LY6H: variants seen among roughly 807,000 people sequenced by gnomAD.
LY6H encodes the protein lymphocyte antigen 6H.
LY6H carries 8 observed loss-of-function variants against 14.6 expected under a neutral mutation model. That is an observed-to-expected ratio of 0.55 (90% confidence interval 0.32 to 0.99). The LOEUF (loss-of-function observed/expected upper bound fraction) is 0.99. Among genes scored for constraint, LY6H ranks in the 50% least tolerant of loss-of-function variants. The probability of loss-of-function intolerance (pLI) is 0.04; values close to 1 mark genes in which losing one functional copy is unlikely to be tolerated. For synonymous variants in LY6H, 115 were observed against 97.2 expected, an observed-to-expected ratio of 1.18 and a Z score of -1.08; for missense variants, 196 against 219.6, an observed-to-expected ratio of 0.89 and a Z score of 0.68.
chr8:143,160,180 G>T lies in LY6H; in HGVS notation c.2+18C>A. ...TGGGGCGTGGAGCGCGGGCCTCGGG[G>T]TCGGGGGGCTCACTCACATCCCGGG... On this transcript the variant is annotated intron_variant, in intron 1 of 3. Coordinates refer to ENST00000342752, the MANE Select transcript of LY6H (RefSeq NM_001135655.2). The T allele has an allele frequency of 7.8e-7, 1 of 1,283,294 alleles. No individual in the cohort carries two copies. Among genetic ancestry groups the T allele is most frequent in the Non-Finnish European group, 9.9e-7 (1 of 1,014,770 alleles). 79.5% of individuals were successfully genotyped at this position (1,283,294 alleles called of 1,614,324 possible).
chr8:143,159,566 C>T lies in LY6H; in HGVS notation c.130+16G>A, dbSNP rs1207387599. 2.7e-6 allele frequency: 4 copies of T among 1,494,728 alleles called. No individual in the cohort carries two copies. The highest frequency in any genetic ancestry group is 2.2e-5 in the Admixed American group (1 of 46,132). The allele number at this position is 1,494,728 out of a possible 1,614,324, so 92.6% of individuals were successfully genotyped here. On this transcript the variant is annotated intron_variant, in intron 2 of 3. Coordinates refer to ENST00000342752, the MANE Select transcript of LY6H (RefSeq NM_001135655.2). ...TCTCCCAGGCACCTGACCCAGCCCG[C>T]GGGCCCCCTACTCACCGGGCGCCGA...
Position 143,159,694 on chromosome 8 carries a change from C to T in LY6H, c.18G>A (p.Arg6=). Residue 6 remains arginine, a synonymous_variant, in exon 2 of 4, where the codon AGG becomes AGA. Transcript: ENST00000342752. MLAPQ[R]TRAPSPRAAP... is the part of the protein sequence containing the mutation. The stretch of plus-strand genomic sequence containing the variant: ...CGGCGCGGGGGCTTGGGGCGCGGGT[C>T]CTCTGGGGCGCAAGCCTGGAGGGGA... 7.2e-7 allele frequency: 1 copy of T among 1,381,536 alleles called. No homozygotes were observed. Among genetic ancestry groups the T allele is most frequent in the South Asian group, 1.6e-5 (1 of 60,690 alleles). The allele number at this position is 1,381,536 out of a possible 1,614,324, so 85.6% of individuals were successfully genotyped here. A position where few individuals can be genotyped will look rare whatever the true frequency, so the allele number is the denominator to read the frequency against.
chr8:143,160,027 T>A, intron 1 of LY6H, 171 bp downstream of exon 1: 1 of 1,122,660 alleles, frequency 8.9e-7, no homozygotes, highest in Non-Finnish European at 1.1e-6. Context: ...CGGGAGCGGG[T>A]GGGACCTGCC....
At chr8:143,159,236 C>T (rs72689954) in intron 2 of LY6H, 51,220 of 554,570 alleles carry the variant, frequency 0.092, 3,181 homozygotes, top group Non-Finnish European at 0.12. Context: ...TCCCGCCCCG[C>T]CTCACATATC....
intron 2 of LY6H, chr8:143,159,289 T>C: frequency 3.8e-6 from 2 of 523,786 alleles, no homozygotes; most frequent in South Asian, 2.6e-5. Context: ...AGGACCAAAC[T>C]GGATTTGAAA....
chr8:143,158,555 A>G, intron 3 of LY6H, 70 bp from the exon 4 acceptor site: 1 of 1,411,726 alleles, frequency 7.1e-7, no homozygotes, highest in Non-Finnish European at 9.9e-7. Flanking sequence ...CCGAGGACCC[A>G]GCCCAGGCCC....
Position 143,158,930 on chromosome 8 carries a change from G to C in LY6H, c.131-8C>G. 2 of 1,613,434 alleles carry C rather than the reference G, an allele frequency of 1.2e-6. No homozygotes were observed. Among genetic ancestry groups the C allele is most frequent in the Non-Finnish European group, 1.7e-6 (2 of 1,179,878 alleles). On this transcript the variant is annotated splice_polypyrimidine_tract_variant and splice_region_variant and intron_variant, in intron 2 of 3. Coordinates refer to ENST00000342752, the MANE Select transcript of LY6H (RefSeq NM_001135655.2). ...GGCACCACAGGCCATGAGCTGGGCA[G>C]GGCATGGGGAGGAGGGTGACCAGAG...
chr8:143,160,052 C>A, intron 1 of LY6H, 146 bp downstream of exon 1: 3 of 939,530 alleles, frequency 3.2e-6, no homozygotes, highest in Non-Finnish European at 4.2e-6. Context: ...GGGGGAGGGG[C>A]GCGTGCCAGG....
chr8:143,159,853 C>G, intron 1 of LY6H, 144 bp from the exon 2 acceptor site: 1 of 1,145,438 alleles, frequency 8.7e-7, no homozygotes, highest in Middle Eastern at 3.2e-4. Flanking sequence ...CCAGAGCGTC[C>G]GCCGTCACAG....
intron 3 of LY6H, 130 bp downstream of exon 3, chr8:143,158,673 G>T: frequency 7.6e-7 from 1 of 1,318,592 alleles, no homozygotes; most frequent in Non-Finnish European, 1.0e-6. Context: ...GGGGACAGCA[G>T]GACAGTATCC....
chr8:143,159,943 G>A, intron 1 of LY6H: 1 of 1,242,394 alleles, frequency 8.0e-7, no homozygotes, highest in Non-Finnish European at 1.0e-6. Flanking sequence ...CACCTGTGTG[G>A]GGGAGCGGAT....
chr8:143,160,233 G>A lies in LY6H; in HGVS notation c.-34C>T. 2 of 1,281,246 alleles carry A rather than the reference G, an allele frequency of 1.6e-6. No homozygotes were observed. Among genetic ancestry groups the A allele is most frequent in the Non-Finnish European group, 2.0e-6 (2 of 1,013,496 alleles). 79.4% of individuals were successfully genotyped at this position (1,281,246 alleles called of 1,614,324 possible). A position where few individuals can be genotyped will look rare whatever the true frequency, so the allele number is the denominator to read the frequency against. Reference sequence around the variant, plus strand: ...TGTCCGCACTCCGGGCTCGGGCGGCGTGCGCGGCGCGGGGAGCTGTGCCCT... The same window carrying A: ...TGTCCGCACTCCGGGCTCGGGCGGCATGCGCGGCGCGGGGAGCTGTGCCCT... On this transcript the variant is annotated 5_prime_UTR_variant, in exon 1 of 4. In the 5' UTR this introduces an upstream ATG that the reference lacks. Transcript: ENST00000342752.
Position 143,158,375 on chromosome 8 carries a change from C to T in LY6H, c.361G>A (p.Val121Ile), listed in dbSNP as rs758111522. The change falls in exon 4 of 4, where the codon GTC becomes ATC. Residue 121 changes from valine (V) to isoleucine (I), a missense_variant. Transcript: ENST00000342752. Reference sequence around the variant, plus strand: ...TCCTTCTCGCAGCAGTCCACGTCGACCTTTAAGATCCCAGAGTTAATAAAC... The same window carrying T: ...TCCTTCTCGCAGCAGTCCACGTCGATCTTTAAGATCCCAGAGTTAATAAAC... ...MGFINSGILK[V>I]DVDCCEKDLC... The T allele has an allele frequency of 4.3e-6, 7 of 1,613,850 alleles. No individual in the cohort carries two copies. In the Admixed American group the frequency reaches 1.0e-4, roughly 23 times the overall value.
intron 1 of LY6H, chr8:143,159,952 A>C: frequency 2.5e-6 from 3 of 1,223,376 alleles, no homozygotes; most frequent in Non-Finnish European, 3.1e-6. Context: ...GGGGGAGCGG[A>C]TGGGGGGCGT....
Position 143,159,589 on chromosome 8 carries a change from C to T in LY6H, c.123G>A (p.Ser41=). The change falls in exon 2 of 4, where the codon TCG becomes TCA. Residue 41 remains serine, a synonymous_variant. Transcript: ENST00000342752. ...CGCGGGCCCCCTACTCACCGGGCGC[C>T]GAGCACAGCAGGACGGCCAGCAGCG... ...GLALLAVLLC[S]APAHGLWCQD... is the part of the protein sequence containing the mutation. 6 of 1,501,806 alleles carry T rather than the reference C, an allele frequency of 4.0e-6. No homozygotes were observed. Among genetic ancestry groups the T allele is most frequent in the East Asian group, 2.8e-5 (1 of 36,094 alleles). 93.0% of individuals were successfully genotyped at this position (1,501,806 alleles called of 1,614,324 possible).
In LY6H at chr8:143,158,883, T is replaced by C. The variant is rs1337179757; in HGVS notation, c.170A>G (p.Asn57Ser). Residue 57 changes from asparagine (N) to serine (S), a missense_variant, in exon 3 of 4, where the codon AAC becomes AGC. Transcript: ENST00000342752. ...CTGCTTTGGGGTGCAATGGCTGGAG[T>C]TGGTGGTCAGGGTGCAGTCCTGGCA... ...LWCQDCTLTT[N>S]SSHCTPKQCQ... The C allele has an allele frequency of 1.9e-6, 3 of 1,612,790 alleles. No homozygotes were observed. The highest frequency in any genetic ancestry group is 2.7e-5 in the African/African-American group (2 of 74,814).
chr8:143,158,173 A>G lies in LY6H; in HGVS notation c.*77T>C. On this transcript the variant is annotated 3_prime_UTR_variant, in exon 4 of 4. Coordinates refer to ENST00000342752, the MANE Select transcript of LY6H (RefSeq NM_001135655.2). ...CTGGGCCAAGGCTGCCCCCAGCCCC[A>G]GCCACGCCAGGCTGGGGAGAGGGCA... is the stretch of plus-strand genomic sequence containing the variant. 2 of 1,079,722 alleles carry G rather than the reference A, an allele frequency of 1.9e-6. No homozygotes were observed. The highest frequency in any genetic ancestry group is 1.3e-6 in the Non-Finnish European group (1 of 752,500). 66.9% of individuals were successfully genotyped at this position (1,079,722 alleles called of 1,614,324 possible).
At chr8:143,159,452 C>T in intron 2 of LY6H, 130 bp downstream of exon 2, 1 of 1,132,248 alleles carries the variant, frequency 8.8e-7, no homozygotes, top group Non-Finnish European at 1.2e-6. Context: ...CGCAGGGGTC[C>T]CGGAGGGGGC....
intron 1 of LY6H, 143 bp from the exon 2 acceptor site, chr8:143,159,852 C>A: frequency 8.7e-7 from 1 of 1,145,726 alleles, no homozygotes; most frequent in Non-Finnish European, 1.1e-6. Context: ...TCCAGAGCGT[C>A]CGCCGTCACA....
Sources: allele counts gnomAD v4.1 joint callset, GRCh38; gene constraint gnomAD v4.1.1; transcripts MANE v1.5; gene names NCBI Gene and HGNC (gene_info 2026-07-23, HGNC 2026-07-21).